The following LHFPL6 variants were observed in gnomAD, a reference collection of about 807,000 sequenced individuals.
The protein encoded by LHFPL6 is LHFPL tetraspan subfamily member 6, also known as LHFPL tetraspan subfamily member 6 protein.
Under a neutral mutation model 20.6 loss-of-function variants are expected in LHFPL6, and 9 were observed. The ratio of observed to expected loss-of-function variants is 0.44; its 90% CI spans 0.26 to 0.76. The LOEUF is 0.76. LHFPL6 is among the 30% of genes least tolerant of loss of function. LHFPL6 has a pLI of 0.20. For missense variants in LHFPL6, 218 were observed against 253.5 expected, an observed-to-expected ratio of 0.86 and a Z score of 0.95; for synonymous variants, 105 against 98.7, an observed-to-expected ratio of 1.06 and a Z score of -0.38.
intron 2 of LHFPL6, among the ~76,000 whole-genome samples, chr13:39,459,993 C>A (rs1475795623): frequency 6.6e-6 from 1 of 152,072 alleles, no homozygotes; most frequent in East Asian, 1.9e-4. Context: ...GTAAGAGGAT[C>A]TTTTCTTTAA....
chr13:39,436,032 A>C (rs566905548), intron 2 of LHFPL6, among the ~76,000 whole-genome samples: 1 of 151,666 alleles, frequency 6.6e-6, no homozygotes, highest in Non-Finnish European at 1.5e-5. Flanking sequence ...TAAATTAATA[A>C]ATATATAAAT....
intron 2 of LHFPL6, among the ~76,000 whole-genome samples, chr13:39,435,378 T>C (rs538936847): frequency 1.3e-5 from 2 of 152,294 alleles, no homozygotes; most frequent in African/African-American, 2.4e-5. Flanking sequence ...CAAGCAAATA[T>C]AAGAATTTTG....
chr13:39,452,080 T>G (rs1220608175), intron 2 of LHFPL6, among the ~76,000 whole-genome samples: 1 of 150,940 alleles, frequency 6.6e-6, no homozygotes, highest in Non-Finnish European at 1.5e-5. Context: ...TATGGACAAT[T>G]TGTTATGTAC....
At chr13:39,512,212 C>T (rs1869733467) in intron 2 of LHFPL6, among the ~76,000 whole-genome samples, 1 of 152,210 alleles carries the variant, frequency 6.6e-6, no homozygotes, top group African/African-American at 2.4e-5. Flanking sequence ...TCTCTCTCAT[C>T]TCACCGTCAT....
At chr13:39,455,625 A>G (rs1872551627) in intron 2 of LHFPL6, among the ~76,000 whole-genome samples, 1 of 152,206 alleles carries the variant, frequency 6.6e-6, no homozygotes, top group Non-Finnish European at 1.5e-5. Flanking sequence ...ATGCCTTATG[A>G]GGACAATAAC....
intron 2 of LHFPL6, among the ~76,000 whole-genome samples, chr13:39,408,935 G>T (rs9603532): frequency 0.14 from 21,489 of 152,130 alleles, 1,701 homozygotes; most frequent in Middle Eastern, 0.19. Context: ...CCAACCCAAA[G>T]CCACCTGAAT....
intron 2 of LHFPL6, among the ~76,000 whole-genome samples, chr13:39,462,322 C>T (rs1406916712): frequency 6.6e-6 from 1 of 152,150 alleles, no homozygotes; most frequent in African/African-American, 2.4e-5. Context: ...CTTGCTCCTT[C>T]AAAACCATGC....
At chr13:39,352,241 C>T (rs963276050) in intron 3 of LHFPL6, among the ~76,000 whole-genome samples, 7 of 152,244 alleles carry the variant, frequency 4.6e-5, no homozygotes, top group African/African-American at 1.7e-4. Context: ...TGGTCCCAGA[C>T]TGAATGTTTT....
chr13:39,352,069 C>T (rs1472821719), intron 3 of LHFPL6, among the ~76,000 whole-genome samples: 1 of 152,204 alleles, frequency 6.6e-6, no homozygotes, highest in Non-Finnish European at 1.5e-5. Flanking sequence ...AAGGTCTGCA[C>T]CTTGCAAAGA....
At chr13:39,429,676 G>GAA (rs1399982751) in intron 2 of LHFPL6, among the ~76,000 whole-genome samples, 2 of 151,404 alleles carry the variant, frequency 1.3e-5, no homozygotes, top group African/African-American at 4.9e-5. Context: ...TCCTCTTTAT[G>GAA]AAAAAAACTC....
intron 2 of LHFPL6, among the ~76,000 whole-genome samples, chr13:39,516,895 T>C (rs771312149): frequency 6.6e-6 from 1 of 152,240 alleles, no homozygotes; most frequent in Non-Finnish European, 1.5e-5. Flanking sequence ...GATCAACTTA[T>C]TATACAAAGC....
Position 39,544,080 on chromosome 13 carries a change from T to A in LHFPL6, c.385+56752A>T, listed in dbSNP as rs112683030. Reference sequence around the variant, plus strand: ...CAGTTGGAACTAGGCTATTTAGCTATTATCATTGAAGAGTAGAAGAAAATG... The same window carrying A: ...CAGTTGGAACTAGGCTATTTAGCTAATATCATTGAAGAGTAGAAGAAAATG... On this transcript the variant is annotated intron_variant, in intron 2 of 3. Coordinates refer to ENST00000379589, the MANE Select transcript of LHFPL6 (RefSeq NM_005780.3). Among the ~76,000 whole-genome samples, 420 of 152,302 alleles carry A rather than the reference T, an allele frequency of 2.8e-3. 3 individuals carry two copies. The highest frequency in any genetic ancestry group is 4.9e-3 in the Non-Finnish European group (335 of 68,020).
intron 2 of LHFPL6, among the ~76,000 whole-genome samples, chr13:39,472,858 G>T (rs1043884979): frequency 1.3e-5 from 2 of 152,118 alleles, no homozygotes; most frequent in Non-Finnish European, 2.9e-5. Context: ...TGGTCCACCC[G>T]CCTTGGCCTC....
chr13:39,343,491 G>C lies in LHFPL6; in HGVS notation c.*445C>G, dbSNP rs1869302421. Reference sequence around the variant, plus strand: ...GTGACCTACAGGGAACATCTTTGGGGGTACCCTGCTTCCCAACATAACACT... The same window carrying C: ...GTGACCTACAGGGAACATCTTTGGGCGTACCCTGCTTCCCAACATAACACT... On this transcript the variant is annotated 3_prime_UTR_variant, in exon 4 of 4. Coordinates refer to ENST00000379589, the MANE Select transcript of LHFPL6 (RefSeq NM_005780.3). 1 of 232,826 alleles carries C rather than the reference G, an allele frequency of 4.3e-6. No homozygotes were observed. Among genetic ancestry groups the C allele is most frequent in the Non-Finnish European group, 8.5e-6 (1 of 117,850 alleles). 14.4% of individuals were successfully genotyped at this position (232,826 alleles called of 1,614,324 possible).
At chr13:39,394,065 C>A (rs1195194154) in intron 2 of LHFPL6, among the ~76,000 whole-genome samples, 1 of 152,172 alleles carries the variant, frequency 6.6e-6, no homozygotes, top group African/African-American at 2.4e-5. Context: ...CCTCGCCTCC[C>A]ATATAGCTGG....
chr13:39,495,444 C>T (rs565807962), intron 2 of LHFPL6, among the ~76,000 whole-genome samples: 21 of 152,166 alleles, frequency 1.4e-4, no homozygotes, highest in African/African-American at 5.1e-4. Context: ...CATTGTAGTT[C>T]TCAAATCATT....
intron 2 of LHFPL6, among the ~76,000 whole-genome samples, chr13:39,442,967 T>C (rs1410173573): frequency 6.6e-6 from 1 of 151,866 alleles, no homozygotes; most frequent in Non-Finnish European, 1.5e-5. Context: ...TTTCAGAGAG[T>C]TGAAAATATC....
At chr13:39,442,298 G>C (rs1360189483) in intron 2 of LHFPL6, among the ~76,000 whole-genome samples, 5 of 152,004 alleles carry the variant, frequency 3.3e-5, no homozygotes, top group Non-Finnish European at 7.4e-5. Context: ...TTCTTATCAG[G>C]GTATATATTT....
chr13:39,412,003 G>A (rs1435702543), intron 2 of LHFPL6, among the ~76,000 whole-genome samples: 1 of 152,228 alleles, frequency 6.6e-6, no homozygotes, highest in Non-Finnish European at 1.5e-5. Flanking sequence ...TATTAGAAGA[G>A]ACTTAGGGGA....
Sources: allele counts gnomAD v4.1 joint callset (sites outside exome capture counted in the v4.1 genomes callset), GRCh38; gene constraint gnomAD v4.1.1; transcripts MANE v1.5; gene names NCBI Gene and HGNC (gene_info 2026-07-23, HGNC 2026-07-21).